NBEA: variants seen among roughly 807,000 people sequenced by gnomAD.
NBEA encodes the protein neurobeachin, also known as lysosomal-trafficking regulator 2.
A neutral mutation model predicts 343.4 loss-of-function variants in NBEA; 44 were observed. The observed-to-expected ratio is 0.13, with a 90% CI of 0.10 to 0.16. NBEA has a LOEUF of 0.16. NBEA is among the 10% of genes least tolerant of loss of function. The pLI is 1.00. For synonymous variants in NBEA, 1,175 were observed against 1,238.7 expected (o/e 0.95, Z 1.08); for missense variants, 2,555 against 3,631.3 (o/e 0.70, Z 7.62).
At chr13:35,010,204 T>G (rs573594152) in intron 1 of NBEA, among the ~76,000 whole-genome samples, 40 of 152,218 alleles carry the variant, frequency 2.6e-4, no homozygotes, top group African/African-American at 9.4e-4. Context: ...TGAGGTCATT[T>G]AGGGGTGAAT....
At position 35,660,377 on chromosome 13, in the gene NBEA, A is replaced by AC. The variant is rs572133421; in HGVS notation, c.8362+4628_8362+4629insC. ...AAATCATAGCCATGTGAAACTTTGA[A>AC]AGAGGATTTACCGTTCATCTTTTCA... On this transcript the variant is annotated intron_variant, in intron 55 of 58. Transcript: ENST00000379939. 1.3e-4 allele frequency among the ~76,000 whole-genome samples: 20 copies of AC among 152,380 alleles called. No individual in the cohort carries two copies. The East Asian group carries it at 3.8e-3, about 29-fold the overall frequency.
At chr13:35,654,821 C>A in intron 53 of NBEA, 34 bp from the exon 54 acceptor site, 1 of 1,540,270 alleles carries the variant, frequency 6.5e-7, no homozygotes, top group Non-Finnish European at 8.7e-7. Flanking sequence ...CATATGGAAT[C>A]TTTCTTCAAA....
intron 36 of NBEA, among the ~76,000 whole-genome samples, chr13:35,325,748 A>G (rs992736241): frequency 2.0e-5 from 3 of 152,084 alleles, no homozygotes; most frequent in South Asian, 4.1e-4. Context: ...CTAGAAAGGT[A>G]TTTCCTGTGT....
rs1483243928 is a variant in NBEA, at chr13:35,161,639, A to T, written c.3862-111A>T. On this transcript the variant is annotated intron_variant, in intron 22 of 58. Transcript: ENST00000379939. ...TATGTGAAATATATTAAACTGCTAA[A>T]GTCATATGCTAAAGCATTAAAGCAT... 1.1e-5 allele frequency: 10 copies of T among 941,056 alleles called. 1 individual carries two copies. The highest frequency in any genetic ancestry group is 3.5e-5 in the South Asian group (2 of 57,022). 58.3% of individuals were successfully genotyped at this position (941,056 alleles called of 1,614,324 possible).
At chr13:35,646,147 T>C in intron 50 of NBEA, 112 bp from the exon 51 acceptor site, 1 of 868,304 alleles carries the variant, frequency 1.2e-6, no homozygotes, top group South Asian at 1.6e-5. Context: ...CCGTTGAATT[T>C]TCTGGACTTT....
Position 35,651,800 on chromosome 13 carries a change from T to G in NBEA, c.7964-5T>G. On this transcript the variant is annotated splice_region_variant and splice_polypyrimidine_tract_variant and intron_variant, in intron 52 of 58. Transcript: ENST00000379939. Reference sequence around the variant, plus strand: ...TTAGTTTTTCTCTCTTTTTTTAATCTTTAGGCCTCAGAGGAGCTCCAGGAT... The same window carrying G: ...TTAGTTTTTCTCTCTTTTTTTAATCGTTAGGCCTCAGAGGAGCTCCAGGAT... 2.0e-6 allele frequency: 3 copies of G among 1,522,258 alleles called. No individual in the cohort carries two copies. Among genetic ancestry groups the G allele is most frequent in the Non-Finnish European group, 2.7e-6 (3 of 1,120,114 alleles). The allele number at this position is 1,522,258 out of a possible 1,614,324, so 94.3% of individuals were successfully genotyped here.
intron 41 of NBEA, among the ~76,000 whole-genome samples, chr13:35,535,678 A>G (rs1463475537): frequency 6.6e-6 from 1 of 152,164 alleles, no homozygotes; most frequent in African/African-American, 2.4e-5. Flanking sequence ...AGTAGATGTA[A>G]TTTGTCCCAT....
chr13:35,056,275 A>T, intron 7 of NBEA, 146 bp downstream of exon 7: 1 of 778,070 alleles, frequency 1.3e-6, no homozygotes, highest in Non-Finnish European at 1.7e-6. Context: ...TTCATTGTTA[A>T]ATTTAGTATA....
intron 1 of NBEA, among the ~76,000 whole-genome samples, chr13:35,014,774 G>C (rs1474674468): frequency 1.3e-5 from 2 of 151,980 alleles, no homozygotes; most frequent in Admixed American, 1.3e-4. Context: ...CAGGGGCGGG[G>C]CCCTACCTGT....
chr13:35,496,374 CAT>C (rs909629266), intron 41 of NBEA, among the ~76,000 whole-genome samples: 2 of 151,830 alleles, frequency 1.3e-5, no homozygotes, highest in Non-Finnish European at 2.9e-5. Flanking sequence ...GGGGCTCACT[CAT>C]ATAATCCCAA....
At chr13:34,988,983 A>G (rs1425137743) in intron 1 of NBEA, among the ~76,000 whole-genome samples, 1 of 150,598 alleles carries the variant, frequency 6.6e-6, no homozygotes, top group African/African-American at 2.4e-5. Context: ...TCTTACTACT[A>G]TTTGTTGTTT....
At chr13:34,979,459 G>A (rs910537129) in intron 1 of NBEA, among the ~76,000 whole-genome samples, 16 of 152,018 alleles carry the variant, frequency 1.1e-4, no homozygotes, top group Non-Finnish European at 1.9e-4. Context: ...GGCAGAGGTT[G>A]CAGTGAGCCA....
chr13:35,476,949 C>A, intron 41 of NBEA: 2 of 399,802 alleles, frequency 5.0e-6, no homozygotes, highest in South Asian at 1.0e-4. Context: ...TTTGAAAAGA[C>A]TTGGCAAAGC....
At chr13:34,959,490 T>C (rs2059594467) in intron 1 of NBEA, among the ~76,000 whole-genome samples, 1 of 152,130 alleles carries the variant, frequency 6.6e-6, no homozygotes, top group Non-Finnish European at 1.5e-5. Flanking sequence ...GGAATGGTCA[T>C]AAAATTCTTT....
chr13:35,251,687 T>C (rs961847877), intron 34 of NBEA: 6 of 542,258 alleles, frequency 1.1e-5, no homozygotes, highest in African/African-American at 9.9e-5. Context: ...GCCTATGATA[T>C]GGCTCCAGAG....
chr13:34,992,198 A>ATGTGTG (rs58578283), intron 1 of NBEA, among the ~76,000 whole-genome samples: 1 of 138,788 alleles, frequency 7.2e-6, no homozygotes, highest in Admixed American at 7.5e-5. Context: ...GTGTATATAT[A>ATGTGTG]TGTGTGTGTG....
chr13:35,260,135 A>G (rs555532786), intron 34 of NBEA, among the ~76,000 whole-genome samples: 1 of 152,318 alleles, frequency 6.6e-6, no homozygotes, highest in South Asian at 2.1e-4. Context: ...GCTTTCAGAG[A>G]TGGGGAAATC....
At chr13:35,139,911 A>G (rs1402389968) in intron 17 of NBEA, among the ~76,000 whole-genome samples, 1 of 152,116 alleles carries the variant, frequency 6.6e-6, no homozygotes. Context: ...AAGCATCTGT[A>G]TAAACGTTTG....
intron 38 of NBEA, among the ~76,000 whole-genome samples, chr13:35,413,124 TCTG>T (rs1487431356): frequency 6.6e-6 from 1 of 151,980 alleles, no homozygotes; most frequent in Non-Finnish European, 1.5e-5. Context: ...ATGTCTCACT[TCTG>T]CTCACATTTT....
Sources: allele counts gnomAD v4.1 joint callset (sites outside exome capture counted in the v4.1 genomes callset), GRCh38; gene constraint gnomAD v4.1.1; transcripts MANE v1.5; gene names NCBI Gene and HGNC (gene_info 2026-07-23, HGNC 2026-07-21).